Variants in USP18 observed in about 807,000 individuals in gnomAD.
The protein encoded by USP18 is ubl carboxyl-terminal hydrolase 18.
Under a neutral mutation model 48.7 loss-of-function variants are expected in USP18, and 11 were observed. That is an observed-to-expected ratio of 0.23 (90% confidence interval 0.14 to 0.37). USP18 has a LOEUF of 0.37. USP18 is among the 10% of genes least tolerant of loss of function. The pLI, the probability that USP18 is intolerant of heterozygous loss-of-function variation, is 1.00. For synonymous variants in USP18, 114 were observed against 163.2 expected (o/e 0.70, Z 2.30); for missense variants, 285 against 436.4 (o/e 0.65, Z 3.09).
At chr22:18,172,410 A>T (rs1228786821) in intron 8 of USP18, among the ~76,000 whole-genome samples, 1 of 152,202 alleles carries the variant, frequency 6.6e-6, no homozygotes, top group Non-Finnish European at 1.5e-5. Flanking sequence ...CAACGTTCAG[A>T]CTTCCTGACT....
In USP18 at chr22:18,155,356, C is replaced by T. The variant is rs8142557; in HGVS notation, c.-106-2202C>T. ...GCCTAGTCCTGGTGACAGGTGACAG[C>T]GTGCTGGCAGCCATCACAGCCCTCG... On this transcript the variant is annotated intron_variant, in intron 1 of 10. Transcript: ENST00000215794. Among the ~76,000 whole-genome samples the T allele has an allele frequency of 1.8e-3, 276 of 152,308 alleles. 1 individual carries two copies. Among genetic ancestry groups the T allele is most frequent in the African/African-American group, 6.4e-3 (265 of 41,566 alleles).
intron 1 of USP18, among the ~76,000 whole-genome samples, chr22:18,151,656 G>T (rs1929002484): frequency 6.8e-6 from 1 of 146,604 alleles, no homozygotes; most frequent in African/African-American, 2.5e-5. Flanking sequence ...TCCACGAGCT[G>T]TTTTTTTTTT....
intron 3 of USP18, among the ~76,000 whole-genome samples, chr22:18,160,808 T>G (rs1929310720): frequency 6.8e-6 from 1 of 147,592 alleles, no homozygotes; most frequent in Non-Finnish European, 1.5e-5. Context: ...CCTCACTCTG[T>G]CCCCAGGCTG....
intron 1 of USP18, among the ~76,000 whole-genome samples, chr22:18,156,333 C>G (rs1268557978): frequency 6.6e-6 from 1 of 152,212 alleles, no homozygotes; most frequent in Non-Finnish European, 1.5e-5. Flanking sequence ...AGAATAAAAG[C>G]AGGCTGCCCG....
intron 4 of USP18, among the ~76,000 whole-genome samples, chr22:18,164,227 T>C (rs1316965716): frequency 6.6e-6 from 1 of 151,764 alleles, no homozygotes; most frequent in East Asian, 1.9e-4. Flanking sequence ...CTCTGTCAGC[T>C]CCCAGATGCA....
intron 1 of USP18, among the ~76,000 whole-genome samples, chr22:18,156,080 G>A (rs187174368): frequency 4.0e-4 from 61 of 152,362 alleles, no homozygotes; most frequent in Admixed American, 2.9e-3. Context: ...CTCAGGGTTT[G>A]TGAATGCACC....
intron 4 of USP18, among the ~76,000 whole-genome samples, chr22:18,166,336 A>G (rs1929477249): frequency 1.3e-5 from 2 of 151,948 alleles, no homozygotes; most frequent in South Asian, 2.1e-4. Flanking sequence ...CAGCATTTTC[A>G]CACTTTCTTT....
At position 18,161,861 on chromosome 22, in the gene USP18, A is replaced by G. The variant is rs1569210250; in HGVS notation, c.326A>G (p.Lys109Arg). The G allele has an allele frequency of 1.2e-6, 2 of 1,613,742 alleles. No homozygotes were observed. The highest frequency in any genetic ancestry group is 1.7e-6 in the Non-Finnish European group (2 of 1,179,958). ...VPFQMLLLLE[K>R]MQDSRQKAVR... Reference sequence around the variant, plus strand: ...TTCCAGATGCTTCTGCTGCTGGAGAAGATGCAGGACAGCCGGCAGAAAGCA... The same window carrying G: ...TTCCAGATGCTTCTGCTGCTGGAGAGGATGCAGGACAGCCGGCAGAAAGCA... Residue 109 changes from lysine to arginine, a missense_variant, in exon 4 of 11, where the codon AAG (lysine) becomes AGG (arginine). Lys to Arg is a conservative substitution (Grantham distance 26, BLOSUM62 2). Coordinates refer to ENST00000215794, the MANE Select transcript of USP18 (RefSeq NM_017414.4).
At chr22:18,165,746 C>T (rs1042667502) in intron 4 of USP18, among the ~76,000 whole-genome samples, 3 of 150,830 alleles carry the variant, frequency 2.0e-5, no homozygotes, top group Non-Finnish European at 4.4e-5. Flanking sequence ...GGGGTGGCTT[C>T]GAAACTTCCA....
At chr22:18,159,735 G>C (rs1321740234) in intron 2 of USP18, among the ~76,000 whole-genome samples, 1 of 149,156 alleles carries the variant, frequency 6.7e-6, no homozygotes. Context: ...GAGTGCAGTG[G>C]CGTGATCTTG....
At chr22:18,152,646 G>A (rs1929029163) in intron 1 of USP18, among the ~76,000 whole-genome samples, 1 of 151,886 alleles carries the variant, frequency 6.6e-6, no homozygotes, top group Non-Finnish European at 1.5e-5. Context: ...TGTTTTCTCT[G>A]GTGGATGCTT....
At position 18,169,923 on chromosome 22, in the gene USP18, A is replaced by C. The variant is rs780790250; in HGVS notation, c.707A>C (p.Lys236Thr). ...SKCFCENCGK[K>T]TRGKQVLKLT... The stretch of plus-strand genomic sequence containing the variant: ...TGCTTCTGTGAGAACTGTGGGAAGA[A>C]GACCCGTGGGAAACAGGTACTCATT... The change falls in exon 7 of 11, where the codon AAG (lysine) becomes ACG (threonine). Residue 236 changes from lysine to threonine, a missense_variant. Around this residue, in one of 5 missense-constraint regions of USP18, gnomAD observed 34 missense variants for 94.8 expected, o/e 0.36. Coordinates refer to ENST00000215794, the MANE Select transcript of USP18 (RefSeq NM_017414.4). 6 of 1,603,062 alleles carry C rather than the reference A, an allele frequency of 3.7e-6. No individual in the cohort carries two copies. Among genetic ancestry groups the C allele is most frequent in the Non-Finnish European group, 5.1e-6 (6 of 1,174,228 alleles).
chr22:18,164,194 C>T (rs2046151608), intron 4 of USP18, among the ~76,000 whole-genome samples: 1 of 152,044 alleles, frequency 6.6e-6, no homozygotes, highest in South Asian at 2.1e-4. Flanking sequence ...TGTTCAGGGT[C>T]TCAGAGGAGC....
At chr22:18,151,551 G>A (rs1446952016) in intron 1 of USP18, among the ~76,000 whole-genome samples, 2 of 152,092 alleles carry the variant, frequency 1.3e-5, no homozygotes, top group Admixed American at 6.5e-5. Context: ...TAAAAAATGT[G>A]TTGCACAGTT....
chr22:18,153,777 T>G (rs1297751654), intron 1 of USP18, among the ~76,000 whole-genome samples: 1 of 152,066 alleles, frequency 6.6e-6, no homozygotes, highest in East Asian at 1.9e-4. Flanking sequence ...GAGATAAGCT[T>G]TTTGAGCTTT....
chr22:18,167,174 T>A (rs1159072205), intron 4 of USP18, 81 bp from the exon 5 acceptor site: 1 of 1,547,314 alleles, frequency 6.5e-7, no homozygotes, highest in East Asian at 2.3e-5. Context: ...GTGATGAGTG[T>A]TCATGTGTGT....
Position 18,155,084 on chromosome 22 carries a change from G to A in USP18, c.-106-2474G>A, listed in dbSNP as rs1397177440. On this transcript the variant is annotated intron_variant, in intron 1 of 10. Transcript: ENST00000215794. Reference sequence around the variant, plus strand: ...GTTATGCCTGAAGGCCATAGCTGCCGAGACTGGCACAGCACTGGGGCACGC... The same window carrying A: ...GTTATGCCTGAAGGCCATAGCTGCCAAGACTGGCACAGCACTGGGGCACGC... Among the ~76,000 whole-genome samples the A allele has an allele frequency of 8.5e-5, 13 of 152,382 alleles. No homozygotes were observed. In the East Asian group the frequency reaches 1.7e-3, roughly 20 times the overall value.
At chr22:18,163,890 G>T (rs1227331237) in intron 4 of USP18, among the ~76,000 whole-genome samples, 1 of 152,138 alleles carries the variant, frequency 6.6e-6, no homozygotes, top group Non-Finnish European at 1.5e-5. Context: ...AGGTGCAGGT[G>T]GAGACGTTGG....
In USP18 at chr22:18,157,619, C is replaced by A; in HGVS notation, c.-45C>A. 1 of 1,612,188 alleles carries A rather than the reference C, an allele frequency of 6.2e-7. No individual in the cohort carries two copies. Among genetic ancestry groups the A allele is most frequent in the Middle Eastern group, 1.7e-4 (1 of 6,046 alleles). On this transcript the variant is annotated 5_prime_UTR_variant, in exon 2 of 11. Coordinates refer to ENST00000215794, the MANE Select transcript of USP18 (RefSeq NM_017414.4). ...GGAAGTGAAGTCGTGCTGTCCTGAA[C>A]GCGGGCCAGGCAGCTGCGGCCTGGG...
Sources: allele counts gnomAD v4.1 joint callset (sites outside exome capture counted in the v4.1 genomes callset), GRCh38; gene constraint gnomAD v4.1.1; regional missense constraint gnomAD v4.1.1; transcripts MANE v1.5; gene names NCBI Gene and HGNC (gene_info 2026-07-23, HGNC 2026-07-21).